CNTN6: variants seen among roughly 807,000 people sequenced by gnomAD.
CNTN6 encodes contactin-6.
CNTN6 carries 137 observed loss-of-function variants against 122.8 expected under a neutral mutation model. The ratio of observed to expected loss-of-function variants is 1.12; its 90% CI spans 0.97 to 1.29. The LOEUF is 1.29. CNTN6 is among the 50% of genes most tolerant of loss of function. CNTN6 has a pLI of 0.00. For synonymous variants in CNTN6, 570 were observed against 426.0 expected (o/e 1.34, Z -4.16); for missense variants, 1,634 against 1,223.4 (o/e 1.34, Z -5.01).
At chr3:1,102,288 C>T (rs2090942446) in intron 1 of CNTN6, among the ~76,000 whole-genome samples, 1 of 152,146 alleles carries the variant, frequency 6.6e-6, no homozygotes, top group Non-Finnish European at 1.5e-5. Flanking sequence ...GTGCAATATA[C>T]TTGCTGGAAT....
chr3:1,164,865 A>G (rs556608229), intron 2 of CNTN6, among the ~76,000 whole-genome samples: 11 of 152,338 alleles, frequency 7.2e-5, no homozygotes, highest in African/African-American at 2.6e-4. Flanking sequence ...TAATTCATGC[A>G]TAAAAATTAA....
At chr3:1,381,716 G>GC (rs1305725399) in intron 17 of CNTN6, among the ~76,000 whole-genome samples, 1 of 152,104 alleles carries the variant, frequency 6.6e-6, no homozygotes, top group East Asian at 1.9e-4. Flanking sequence ...CTAATTTACA[G>GC]CATCTGTTTT....
At chr3:1,319,833 G>GAAAATA (rs1553682014) in intron 7 of CNTN6, among the ~76,000 whole-genome samples, 1 of 136,022 alleles carries the variant, frequency 7.4e-6, no homozygotes, top group African/African-American at 2.8e-5. Flanking sequence ...ACAGAGAGCA[G>GAAAATA]AAAATAAAAT....
intron 4 of CNTN6, among the ~76,000 whole-genome samples, chr3:1,241,947 G>A (rs1441316513): frequency 6.6e-6 from 1 of 152,204 alleles, no homozygotes; most frequent in African/African-American, 2.4e-5. Flanking sequence ...TGGACAGAAA[G>A]GCTACAGGGT....
At chr3:1,295,246 G>T (rs1456277013) in intron 5 of CNTN6, among the ~76,000 whole-genome samples, 1 of 152,150 alleles carries the variant, frequency 6.6e-6, no homozygotes, top group Admixed American at 6.5e-5. Context: ...CTTTGAAGCA[G>T]CATAAGTTTT....
At chr3:1,271,310 G>A (rs1246048930) in intron 4 of CNTN6, among the ~76,000 whole-genome samples, 2 of 152,202 alleles carry the variant, frequency 1.3e-5, no homozygotes, top group African/African-American at 4.8e-5. Context: ...GAAAGCAGCG[G>A]GACATTTTCC....
At chr3:1,243,943 T>A (rs534151022) in intron 4 of CNTN6, among the ~76,000 whole-genome samples, 1 of 151,632 alleles carries the variant, frequency 6.6e-6, no homozygotes, top group South Asian at 2.1e-4. Flanking sequence ...AGAAGGAGGA[T>A]CTGGGAGGAA....
At chr3:1,115,037 G>C (rs1357188060) in intron 1 of CNTN6, among the ~76,000 whole-genome samples, 1 of 151,952 alleles carries the variant, frequency 6.6e-6, no homozygotes, top group Non-Finnish European at 1.5e-5. Context: ...AATATTTGTA[G>C]GTAAATTGAG....
In CNTN6 at chr3:1,194,072, T is replaced by C. The variant is rs1421281217; in HGVS notation, c.56-26615T>C. 3.3e-5 allele frequency among the ~76,000 whole-genome samples: 5 copies of C among 152,214 alleles called. No homozygotes were observed. The East Asian group carries it at 7.7e-4, about 23-fold the overall frequency. On this transcript the variant is annotated intron_variant, in intron 2 of 22. Transcript: ENST00000446702. ...ACGCAACCAAAGTAGACATGACACA[T>C]TGCAATTCTGATCACCTCTCTTTTT... is the stretch of plus-strand genomic sequence containing the variant.
At chr3:1,126,543 ACT>A (rs1261201806) in intron 1 of CNTN6, among the ~76,000 whole-genome samples, 1 of 151,768 alleles carries the variant, frequency 6.6e-6, no homozygotes, top group Non-Finnish European at 1.5e-5. Flanking sequence ...GTTAATTGTA[ACT>A]CTGCCTATTT....
intron 20 of CNTN6, among the ~76,000 whole-genome samples, chr3:1,388,642 G>A (rs1355320146): frequency 6.9e-6 from 1 of 145,810 alleles, no homozygotes. Flanking sequence ...TCAAACCAAA[G>A]GCAAAGAAGT....
intron 2 of CNTN6, among the ~76,000 whole-genome samples, chr3:1,188,101 A>G (rs1315782072): frequency 6.6e-6 from 1 of 152,186 alleles, no homozygotes; most frequent in East Asian, 1.9e-4. Context: ...ATCCTTCATA[A>G]TGACCCAATG....
chr3:1,321,897 G>A, intron 8 of CNTN6, 63 bp downstream of exon 8: 1 of 1,382,352 alleles, frequency 7.2e-7, no homozygotes. Context: ...AATAAATTGT[G>A]GAAGTCATTA....
chr3:1,313,300 A>C (rs1391065604), intron 7 of CNTN6, among the ~76,000 whole-genome samples: 1 of 152,106 alleles, frequency 6.6e-6, no homozygotes, highest in East Asian at 1.9e-4. Context: ...TGTGCAGATT[A>C]GTATTCATAT....
chr3:1,253,885 G>A (rs2094710654), intron 4 of CNTN6, among the ~76,000 whole-genome samples: 1 of 152,100 alleles, frequency 6.6e-6, no homozygotes. Context: ...CTCAGTCTTT[G>A]TCTCTCTTTA....
rs6781011 is a variant in CNTN6, at chr3:1,402,104, A to T, written c.2818-214A>T. On this transcript the variant is annotated intron_variant, in intron 21 of 22. Transcript: ENST00000446702. ...CTATTTAACTAATAGGGATAAATCT[A>T]CTCTCCTTCCAGAGGCATTGGCCAA... 0.15 allele frequency among the ~76,000 whole-genome samples: 23,257 copies of T among 150,786 alleles called. 2,291 individuals are homozygous for T. The highest frequency in any genetic ancestry group is 0.21 in the Non-Finnish European group (13,901 of 67,728).
At chr3:1,221,429 C>T (rs1456569446) in intron 3 of CNTN6, among the ~76,000 whole-genome samples, 4 of 152,084 alleles carry the variant, frequency 2.6e-5, no homozygotes, top group African/African-American at 9.7e-5. Context: ...AGATTTATTT[C>T]ATCAGATAAA....
intron 15 of CNTN6, 35 bp downstream of exon 15, chr3:1,373,797 A>G: frequency 3.2e-6 from 5 of 1,539,012 alleles, no homozygotes; most frequent in Non-Finnish European, 4.4e-6. Flanking sequence ...CACTTTAAAA[A>G]TAATATTTTA....
chr3:1,186,811 A>C (rs1158099350), intron 2 of CNTN6, among the ~76,000 whole-genome samples: 1 of 145,144 alleles, frequency 6.9e-6, no homozygotes, highest in Non-Finnish European at 1.5e-5. Flanking sequence ...CATTCTTTTT[A>C]TTTTTTTCTT....
Sources: gnomAD v4.1 joint callset for allele counts (sites outside exome capture counted in the v4.1 genomes callset) on GRCh38, gnomAD v4.1.1 for gene constraint, MANE v1.5 for transcripts, NCBI Gene and HGNC (gene_info 2026-07-23, HGNC 2026-07-21) for gene names.